The following NKX2-6 variants were observed in gnomAD, a reference collection of about 807,000 sequenced individuals.
NKX2-6 encodes NK2 homeobox 6.
Under a neutral mutation model 8.6 loss-of-function variants are expected in NKX2-6, and 8 were observed. The ratio of observed to expected loss-of-function variants is 0.93; its 90% confidence interval spans 0.54 to 1.67. The LOEUF (loss-of-function observed/expected upper bound fraction) is 1.67, where lower values mean the gene tolerates loss of function less well. Ranked by LOEUF, NKX2-6 falls within the 40% of genes most tolerant of loss-of-function variation. The pLI, the probability that NKX2-6 is intolerant of heterozygous loss-of-function variation, is 0.00. For synonymous variants in NKX2-6, 210 were observed against 199.3 expected, an observed-to-expected ratio of 1.05 and a Z score of -0.45; for missense variants, 475 against 423.1, an observed-to-expected ratio of 1.12 and a Z score of -1.08.
intron 1 of NKX2-6, among the ~76,000 whole-genome samples, chr8:23,704,749 G>A (rs13265089): frequency 0.45 from 68,858 of 152,030 alleles, 15,798 homozygotes; most frequent in South Asian, 0.54. Flanking sequence ...TTTTCTTAGC[G>A]CATCGAAAGG....
intron 1 of NKX2-6, among the ~76,000 whole-genome samples, chr8:23,704,734 G>T (rs1051248192): frequency 6.6e-6 from 1 of 152,168 alleles, no homozygotes; most frequent in Non-Finnish European, 1.5e-5. Flanking sequence ...TCTGAGGAGG[G>T]TTTGTTTTCT....
intron 1 of NKX2-6, among the ~76,000 whole-genome samples, chr8:23,705,249 G>A (rs1013631162): frequency 9.2e-5 from 14 of 152,240 alleles, no homozygotes; most frequent in Non-Finnish European, 4.4e-5. Context: ...GCTTCTTCGC[G>A]GACACAGCAG....
Position 23,702,426 on chromosome 8 carries a change from G to T in NKX2-6, c.*25C>A, listed in dbSNP as rs1367863389. 1 of 1,437,084 alleles carries T rather than the reference G, an allele frequency of 7.0e-7. No individual in the cohort carries two copies. The highest frequency in any genetic ancestry group is 1.5e-5 in the South Asian group (1 of 68,068). 89.0% of individuals were successfully genotyped at this position (1,437,084 alleles called of 1,614,324 possible). ...GGAAGGGAACGAGCATCTGGCCCTG[G>T]TTGGCAGAGTCAAGCCGAGGAGCCT... is the stretch of plus-strand genomic sequence containing the variant. On this transcript the variant is annotated 3_prime_UTR_variant, in exon 2 of 2. Transcript: ENST00000325017.
rs1046345715 is a variant in NKX2-6, at chr8:23,701,916, A to G, written c.*535T>C. Among the ~76,000 whole-genome samples, 1 of 152,192 alleles carries G rather than the reference A, an allele frequency of 6.6e-6. No individual in the cohort carries two copies. Among genetic ancestry groups the G allele is most frequent in the Non-Finnish European group, 1.5e-5 (1 of 68,032 alleles). On this transcript the variant is annotated 3_prime_UTR_variant, in exon 2 of 2. Coordinates refer to ENST00000325017, the MANE Select transcript of NKX2-6 (RefSeq NM_001136271.3). Reference sequence around the variant, plus strand: ...GGCCTTATGGGGATGTTTAAGTCCCAAAGGAAGAGGCTCAAAGCAGGTTAC... The same window carrying G: ...GGCCTTATGGGGATGTTTAAGTCCCGAAGGAAGAGGCTCAAAGCAGGTTAC...
In NKX2-6 at chr8:23,702,717, C is replaced by T. The variant is rs1489880968; in HGVS notation, c.640G>A (p.Val214Met). ...CCCAGGCAGGGCTTGCCATCGCGCA[C>T]CAGGACGGGCACAGCTACTCGGCGC... ...TPRRVAVPVL[V>M]RDGKPCLGPG... is the part of the protein sequence containing the mutation. Residue 214 changes from valine to methionine, a missense_variant, in exon 2 of 2, where the codon GTG (valine) becomes ATG (methionine). Val to Met is a conservative substitution (Grantham distance 21). Transcript: ENST00000325017. 5 of 1,551,436 alleles carry T rather than the reference C, an allele frequency of 3.2e-6. No homozygotes were observed. Among genetic ancestry groups the T allele is most frequent in the Non-Finnish European group, 4.4e-6 (5 of 1,146,916 alleles).
intron 1 of NKX2-6, among the ~76,000 whole-genome samples, chr8:23,704,558 A>T (rs1801061271): frequency 6.6e-6 from 1 of 152,202 alleles, no homozygotes; most frequent in Non-Finnish European, 1.5e-5. Context: ...ACTCTAAATG[A>T]GCCAGTGCGA....
In NKX2-6 at chr8:23,701,772, T is replaced by C. The variant is rs550836593; in HGVS notation, c.*679A>G. Among the ~76,000 whole-genome samples the C allele has an allele frequency of 6.6e-6, 1 of 152,326 alleles. No individual in the cohort carries two copies. Among genetic ancestry groups the C allele is most frequent in the Non-Finnish European group, 1.5e-5 (1 of 68,038 alleles). On this transcript the variant is annotated 3_prime_UTR_variant, in exon 2 of 2. Transcript: ENST00000325017. ...AGTATATTTATTGGAGGTGCTGTGC[T>C]GTACAAAGAGATAAAATGCACAACA...
chr8:23,706,662 T>A lies in NKX2-6; in HGVS notation c.-64A>T. On this transcript the variant is annotated 5_prime_UTR_variant, in exon 1 of 2. Transcript: ENST00000325017. ...GAGGAGCGGCACCCTGAACTTCCCGTCTTGTCGCTGCAGGCCCCGCAGACA... is the reference window on the plus strand; with the variant it reads ...GAGGAGCGGCACCCTGAACTTCCCGACTTGTCGCTGCAGGCCCCGCAGACA... 6.9e-7 allele frequency: 1 copy of A among 1,458,768 alleles called. No homozygotes were observed. Among genetic ancestry groups the A allele is most frequent in the Non-Finnish European group, 9.1e-7 (1 of 1,096,714 alleles). The allele number at this position is 1,458,768 out of a possible 1,614,324, so 90.4% of individuals were successfully genotyped here. A position where few individuals can be genotyped will look rare whatever the true frequency, so the allele number is the denominator to read the frequency against.
intron 1 of NKX2-6, among the ~76,000 whole-genome samples, chr8:23,705,201 G>T (rs1212755667): frequency 6.6e-6 from 1 of 152,262 alleles, no homozygotes; most frequent in Non-Finnish European, 1.5e-5. Flanking sequence ...GCTGAGCAGC[G>T]CCGAGGGAGT....
intron 1 of NKX2-6, 99 bp downstream of exon 1, chr8:23,706,226 A>G (rs1801087194): frequency 1.6e-6 from 2 of 1,262,486 alleles, no homozygotes. Flanking sequence ...AGAGTCTCGA[A>G]CCCAGGAGAT....
intron 1 of NKX2-6, 98 bp from the exon 2 acceptor site, chr8:23,703,180 A>T: frequency 7.2e-7 from 1 of 1,384,924 alleles, no homozygotes; most frequent in Non-Finnish European, 9.6e-7. Context: ...GGCAGCCTTC[A>T]CTCTGCGCAG....
chr8:23,703,045 C>G lies in NKX2-6; in HGVS notation c.312G>C (p.Gly104=). The stretch of plus-strand genomic sequence containing the variant: ...CAACGCCGCGCTCTGGCACCCTGGT[C>G]CCGCCGCCGAGGGGCGAGGCCGCGT... ...GLNAASPLGG[G]TRVPERGVGN... is the part of the protein sequence containing the mutation. Residue 104 remains glycine (G), a synonymous_variant, in exon 2 of 2, where the codon GGG becomes GGC. Coordinates refer to ENST00000325017, the MANE Select transcript of NKX2-6 (RefSeq NM_001136271.3). 1.9e-6 allele frequency: 3 copies of G among 1,540,572 alleles called. No individual in the cohort carries two copies. In the South Asian group the frequency reaches 3.6e-5, roughly 18 times the overall value.
intron 1 of NKX2-6, among the ~76,000 whole-genome samples, chr8:23,704,877 T>A (rs1801065989): frequency 6.6e-6 from 1 of 152,188 alleles, no homozygotes; most frequent in Non-Finnish European, 1.5e-5. Context: ...TGCGCCCTTC[T>A]GTTCACAATC....
Position 23,706,629 on chromosome 8 carries a change from G to C in NKX2-6, c.-31C>G, listed in dbSNP as rs768256233. Reference sequence around the variant, plus strand: ...AGGCGGATGGGGCGGGGCCGAGGAGGTCCGGGTGAGGAGCGGCACCCTGAA... The same window carrying C: ...AGGCGGATGGGGCGGGGCCGAGGAGCTCCGGGTGAGGAGCGGCACCCTGAA... On this transcript the variant is annotated 5_prime_UTR_variant, in exon 1 of 2. Transcript: ENST00000325017. 6 of 1,519,812 alleles carry C rather than the reference G, an allele frequency of 3.9e-6. No homozygotes were observed. Among genetic ancestry groups the C allele is most frequent in the Non-Finnish European group, 5.3e-6 (6 of 1,137,438 alleles). 94.1% of individuals were successfully genotyped at this position (1,519,812 alleles called of 1,614,324 possible).
Position 23,702,688 on chromosome 8 carries a change from G to A in NKX2-6, c.669C>T (p.Pro223=), listed in dbSNP as rs753434940. 5.8e-6 allele frequency: 9 copies of A among 1,550,984 alleles called. No homozygotes were observed. The South Asian group carries it at 1.1e-4, about 18-fold the overall frequency. ...TGGGGAAGGCAGGTGCGCCGGGCCC[G>A]GGGCCCAGGCAGGGCTTGCCATCGC... is the stretch of plus-strand genomic sequence containing the variant. The part of the protein sequence containing the change: ...LVRDGKPCLG[P]GPGAPAFPSP... The change falls in exon 2 of 2, where the codon CCC becomes CCT. Residue 223 remains proline, a synonymous_variant. Coordinates refer to ENST00000325017, the MANE Select transcript of NKX2-6 (RefSeq NM_001136271.3).
At chr8:23,705,436 T>C (rs747992) in intron 1 of NKX2-6, among the ~76,000 whole-genome samples, 25,835 of 152,236 alleles carry the variant, frequency 0.17, 2,539 homozygotes, top group South Asian at 0.22. Flanking sequence ...GCGTTGAGAA[T>C]GCCGAGTGAG....
Position 23,702,893 on chromosome 8 carries a change from C to A in NKX2-6, c.464G>T (p.Arg155Leu), listed in dbSNP as rs534202593. The change falls in exon 2 of 2, where the codon CGG (arginine) becomes CTG (leucine). Residue 155 changes from arginine (R) to leucine (L), a missense_variant. Coordinates refer to ENST00000325017, the MANE Select transcript of NKX2-6 (RefSeq NM_001136271.3). ...LALERRFKQQ[R>L]YLSAPEREHL... ...CTCGCGCTCGGGCGCTGACAGGTAC[C>A]GCTGCTGCTTGAAGCGCCGCTCCAG... 132 of 1,555,850 alleles carry A rather than the reference C, an allele frequency of 8.5e-5. No individual in the cohort carries two copies. The African/African-American group carries it at 1.1e-3, about 13-fold the overall frequency.
intron 1 of NKX2-6, 31 bp downstream of exon 1, chr8:23,706,294 C>G (rs955958663): frequency 1.9e-5 from 29 of 1,511,156 alleles, no homozygotes; most frequent in East Asian, 2.5e-5. Flanking sequence ...ACATTCCCCC[C>G]GTAGGAGGCA....
chr8:23,702,376 C>G lies in NKX2-6; in HGVS notation c.*75G>C, dbSNP rs1801017551. On this transcript the variant is annotated 3_prime_UTR_variant, in exon 2 of 2. Transcript: ENST00000325017. ...GCTTCCTTCCAGCGCCGCGTCCCCTCCTTGTCACGACCTGCGGGCGGAGGG... is the reference window on the plus strand; with the variant it reads ...GCTTCCTTCCAGCGCCGCGTCCCCTGCTTGTCACGACCTGCGGGCGGAGGG... The G allele has an allele frequency of 7.1e-7, 1 of 1,400,018 alleles. No homozygotes were observed. The highest frequency in any genetic ancestry group is 2.9e-5 in the Admixed American group (1 of 34,082). 86.7% of individuals were successfully genotyped at this position (1,400,018 alleles called of 1,614,324 possible). A position where few individuals can be genotyped will look rare whatever the true frequency, so the allele number is the denominator to read the frequency against.
Sources: gnomAD v4.1 joint callset for allele counts (sites outside exome capture counted in the v4.1 genomes callset) on GRCh38, gnomAD v4.1.1 for gene constraint, MANE v1.5 for transcripts, NCBI Gene and HGNC (gene_info 2026-07-23, HGNC 2026-07-21) for gene names.